Variants in DAW1 observed in about 807,000 individuals in gnomAD.
The protein encoded by DAW1 is dynein assembly factor with WD repeats 1.
A neutral mutation model predicts 56.5 loss-of-function variants in DAW1; 47 were observed. The observed-to-expected ratio is 0.83, with a 90% CI of 0.66 to 1.06. The LOEUF (loss-of-function observed/expected upper bound fraction) is 1.06. Among genes scored for constraint, DAW1 ranks in the 50% least tolerant of loss-of-function variants. DAW1 has a pLI of 0.00. For synonymous variants in DAW1, 190 were observed against 179.0 expected (o/e 1.06, Z -0.49); for missense variants, 505 against 499.3 (o/e 1.01, Z -0.11).
intron 5 of DAW1, among the ~76,000 whole-genome samples, chr2:227,897,951 C>A (rs770986501): frequency 9.2e-5 from 14 of 151,788 alleles, no homozygotes; most frequent in Non-Finnish European, 1.9e-4. Flanking sequence ...TATTATAATC[C>A]CAAACAAATA....
intron 3 of DAW1, 43 bp downstream of exon 3, chr2:227,890,043 A>G: frequency 6.9e-7 from 1 of 1,458,946 alleles, no homozygotes; most frequent in Non-Finnish European, 9.1e-7. Flanking sequence ...TTTCAGTGAA[A>G]TGATTGATAT....
At chr2:227,875,417 C>T (rs1248616762) in intron 1 of DAW1, among the ~76,000 whole-genome samples, 1 of 152,140 alleles carries the variant, frequency 6.6e-6, no homozygotes, top group Non-Finnish European at 1.5e-5. Flanking sequence ...GGACCATGAT[C>T]CCCAAGGCCC....
rs762001492 is a variant in DAW1 at position 227,893,824 on chromosome 2, G to C, written c.347G>C (p.Cys116Ser). The C allele has an allele frequency of 3.7e-6, 6 of 1,613,644 alleles. No homozygotes were observed. The Admixed American group carries it at 1.0e-4, about 27-fold the overall frequency. Residue 116 changes from cysteine (C) to serine (S), a missense_variant, in exon 5 of 13, where the codon TGC (cysteine) becomes TCC (serine). Physicochemically the swap from Cys to Ser is moderately radical, Grantham distance 112. Coordinates refer to ENST00000309931, the MANE Select transcript of DAW1 (RefSeq NM_178821.3). Reference sequence around the variant, plus strand: ...ATCACAGGAAGCTATGATCGGACGTGCAAGCTCTGGGACACTGCGTCTGGA... The same window carrying C: ...ATCACAGGAAGCTATGATCGGACGTCCAAGCTCTGGGACACTGCGTCTGGA... ...CFITGSYDRTCKLWDTASGEE... is the reference protein window; with the variant it reads ...CFITGSYDRTSKLWDTASGEE...
At chr2:227,878,685 C>T (rs1304615915) in intron 1 of DAW1, among the ~76,000 whole-genome samples, 1 of 152,186 alleles carries the variant, frequency 6.6e-6, no homozygotes, top group African/African-American at 2.4e-5. Context: ...GATTGTACAA[C>T]TGCACTGCAG....
intron 4 of DAW1, 111 bp from the exon 5 acceptor site, chr2:227,893,684 A>C: frequency 6.8e-7 from 1 of 1,467,340 alleles, no homozygotes; most frequent in Admixed American, 2.4e-5. Flanking sequence ...ACAAACAAAC[A>C]AACAAACAAA....
At chr2:227,914,751 A>G (rs188290735) in intron 10 of DAW1, among the ~76,000 whole-genome samples, 24 of 152,184 alleles carry the variant, frequency 1.6e-4, no homozygotes, top group Admixed American at 2.6e-4. Context: ...AAAACCACCT[A>G]TGATGCTACA....
At chr2:227,893,757 C>T in intron 4 of DAW1, 38 bp from the exon 5 acceptor site, 1 of 1,589,576 alleles carries the variant, frequency 6.3e-7, no homozygotes, top group Non-Finnish European at 8.5e-7. Flanking sequence ...AACACACTGC[C>T]ATTCTTCCCT....
chr2:227,889,638 G>A (rs1023997044), intron 2 of DAW1: 14 of 370,644 alleles, frequency 3.8e-5, no homozygotes, highest in Non-Finnish European at 5.8e-5. Flanking sequence ...AAAATATGTT[G>A]TAGAAAATCC....
At chr2:227,873,729 G>T (rs1418383846) in intron 1 of DAW1, among the ~76,000 whole-genome samples, 1 of 152,064 alleles carries the variant, frequency 6.6e-6, no homozygotes, top group Non-Finnish European at 1.5e-5. Flanking sequence ...GTCTTGCTCT[G>T]TCACCCAGGT....
intron 10 of DAW1, among the ~76,000 whole-genome samples, chr2:227,915,781 G>A (rs540100554): frequency 1.3e-5 from 2 of 152,162 alleles, no homozygotes; most frequent in Non-Finnish European, 2.9e-5. Flanking sequence ...GCTATCTTAT[G>A]TGTCATATCC....
chr2:227,917,174 GTCTGTCTA>G (rs1419995897), intron 10 of DAW1, among the ~76,000 whole-genome samples: 496 of 147,290 alleles, frequency 3.4e-3, no homozygotes, highest in African/African-American at 0.012. Context: ...CTGTCTGTCT[GTCTGTCTA>G]TCTATGTATC....
intron 1 of DAW1, among the ~76,000 whole-genome samples, chr2:227,882,740 T>C (rs1691039225): frequency 6.6e-6 from 1 of 152,182 alleles, no homozygotes. Context: ...AGGGGGAGGT[T>C]CCCCCATGCT....
intron 10 of DAW1, among the ~76,000 whole-genome samples, chr2:227,910,108 G>A (rs1691779494): frequency 6.6e-6 from 1 of 152,064 alleles, no homozygotes; most frequent in African/African-American, 2.4e-5. Context: ...AGTCATATAT[G>A]ATATTGTACT....
At chr2:227,873,345 C>T (rs956348644) in intron 1 of DAW1, among the ~76,000 whole-genome samples, 1 of 152,186 alleles carries the variant, frequency 6.6e-6, no homozygotes, top group Admixed American at 6.5e-5. Context: ...ATGTAAACTT[C>T]GTGAGAACTA....
intron 11 of DAW1, 89 bp downstream of exon 11, chr2:227,918,945 A>G (rs1692040152): frequency 7.7e-7 from 1 of 1,294,484 alleles, no homozygotes; most frequent in Non-Finnish European, 1.1e-6. Context: ...CTATAATCCC[A>G]GCACTTTGAG....
At chr2:227,876,338 C>T (rs1383752898) in intron 1 of DAW1, 1 of 971,112 alleles carries the variant, frequency 1.0e-6, no homozygotes, top group Non-Finnish European at 1.4e-6. Flanking sequence ...GATTCTTAGG[C>T]TCACGTAATT....
intron 10 of DAW1, among the ~76,000 whole-genome samples, chr2:227,910,044 G>A (rs1238586818): frequency 6.6e-6 from 1 of 152,056 alleles, no homozygotes; most frequent in Non-Finnish European, 1.5e-5. Flanking sequence ...ATACAACATC[G>A]TGATGTTTCT....
chr2:227,917,133 T>C (rs1389571220), intron 10 of DAW1, among the ~76,000 whole-genome samples: 4 of 129,986 alleles, frequency 3.1e-5, no homozygotes, highest in African/African-American at 1.2e-4. Flanking sequence ...TCTATCTATC[T>C]ATCTATCTAT....
intron 2 of DAW1, 21 bp from the exon 3 acceptor site, chr2:227,889,833 ACT>A (rs761169401): frequency 2.0e-6 from 3 of 1,535,530 alleles, no homozygotes; most frequent in Non-Finnish European, 2.6e-6. Context: ...AATAAAAGAA[ACT>A]CTTTTTTGGG....
Sources: allele counts gnomAD v4.1 joint callset (sites outside exome capture counted in the v4.1 genomes callset), GRCh38; gene constraint gnomAD v4.1.1; transcripts MANE v1.5; gene names NCBI Gene and HGNC (gene_info 2026-07-23, HGNC 2026-07-21).